The following GCG variants were observed in gnomAD, a reference collection of about 807,000 sequenced individuals.
GCG encodes the protein pro-glucagon.
In GCG, 11 loss-of-function variants were observed where a neutral mutation model predicts 22.8. The ratio of observed to expected loss-of-function variants is 0.48; its 90% CI spans 0.30 to 0.80. The LOEUF (loss-of-function observed/expected upper bound fraction) is 0.80, where lower values mean the gene tolerates loss of function less well. GCG is among the 30% of genes least tolerant of loss of function. GCG has a pLI of 0.06. For synonymous variants in GCG, 89 were observed against 72.4 expected, an observed-to-expected ratio of 1.23 and a Z score of -1.16; for missense variants, 222 against 222.0, an observed-to-expected ratio of 1.00 and a Z score of 0.00.
chr2:162,143,394 A>G, intron 5 of GCG, 24 bp from the exon 6 acceptor site: 1 of 859,618 alleles, frequency 1.2e-6, no homozygotes, highest in Non-Finnish European at 1.8e-6. Flanking sequence ...AAAGAAAATG[A>G]TTTAACATAA....
intron 1 of GCG, 147 bp downstream of exon 1, chr2:162,152,011 T>G (rs1274094902): frequency 6.6e-6 from 1 of 152,238 alleles, no homozygotes; most frequent in African/African-American, 2.4e-5. Context: ...GCATTTGATA[T>G]AACCTTTTCC....
chr2:162,150,774 A>G (rs1686814235), intron 1 of GCG, among the ~76,000 whole-genome samples: 2 of 152,134 alleles, frequency 1.3e-5, no homozygotes, highest in South Asian at 2.1e-4. Context: ...AAAAAAATTC[A>G]TTCCACCCAA....
chr2:162,144,718 G>C (rs1686638331), intron 4 of GCG: 1 of 152,036 alleles, frequency 6.6e-6, no homozygotes, highest in Non-Finnish European at 1.5e-5. Flanking sequence ...CATTATTCTA[G>C]TTCTCTTTCA....
chr2:162,143,501 C>T (rs1686603795), intron 5 of GCG, 131 bp from the exon 6 acceptor site: 1 of 474,812 alleles, frequency 2.1e-6, no homozygotes, highest in Non-Finnish European at 3.8e-6. Flanking sequence ...TAAATCCCTC[C>T]ATCCTTTGGA....
At chr2:162,150,503 A>G (rs544053712) in intron 1 of GCG, among the ~76,000 whole-genome samples, 2 of 152,146 alleles carry the variant, frequency 1.3e-5, no homozygotes, top group Non-Finnish European at 2.9e-5. Context: ...ACAAAGGAAC[A>G]TAATAGGAAT....
chr2:162,145,426 T>C (rs1341195173), intron 4 of GCG, 114 bp downstream of exon 4: 4 of 881,236 alleles, frequency 4.5e-6, no homozygotes, highest in Non-Finnish European at 6.8e-6. Context: ...AATTATTTCC[T>C]TACTTTGCAA....
intron 3 of GCG, among the ~76,000 whole-genome samples, chr2:162,146,324 C>A (rs11897425): frequency 0.14 from 21,370 of 152,070 alleles, 3,221 homozygotes; most frequent in African/African-American, 0.33. Context: ...GCTTTACATC[C>A]ATTTACCAAG....
In GCG at chr2:162,150,248, G is replaced by A. The variant is rs1428961040; in HGVS notation, c.-9-1061C>T. Among the ~76,000 whole-genome samples the A allele has an allele frequency of 4.6e-5, 7 of 152,026 alleles. No homozygotes were observed. In the South Asian group the frequency reaches 8.3e-4, roughly 18 times the overall value. On this transcript the variant is annotated intron_variant, in intron 1 of 5. Transcript: ENST00000418842. The stretch of plus-strand genomic sequence containing the variant: ...CCCAATGGTGTTTCCTTTGAGAAGC[G>A]GGCATTTCAATCCAAGTTTGACTAT...
Position 162,143,246 on chromosome 2 carries a change from G to A in GCG, c.*118C>T. On this transcript the variant is annotated 3_prime_UTR_variant, in exon 6 of 6. Coordinates refer to ENST00000418842, the MANE Select transcript of GCG (RefSeq NM_002054.5). ...AACACTAAAAGAAAATTTATTTATT[G>A]GCATGCAAAGCAATGTGGCCTCAGA... The A allele has an allele frequency of 2.2e-6, 1 of 446,590 alleles. No homozygotes were observed. Among genetic ancestry groups the A allele is most frequent in the Non-Finnish European group, 4.0e-6 (1 of 247,156 alleles). The allele number at this position is 446,590 out of a possible 1,614,324, so 27.7% of individuals were successfully genotyped here. A position where few individuals can be genotyped will look rare whatever the true frequency, so the allele number is the denominator to read the frequency against.
Position 162,150,179 on chromosome 2 carries a change from G to A in GCG, c.-9-992C>T, listed in dbSNP as rs10490424. 1.3e-3 allele frequency among the ~76,000 whole-genome samples: 197 copies of A among 152,250 alleles called. 2 individuals are homozygous for A. The East Asian group carries it at 0.025, about 19-fold the overall frequency. ...GCAAGCGCTTCTATTTTCTGAATGG[G>A]AACGTCAAGTCCGTCTTTGTCATGG... On this transcript the variant is annotated intron_variant, in intron 1 of 5. Transcript: ENST00000418842.
At chr2:162,146,554 CT>C (rs1686689847) in intron 3 of GCG, among the ~76,000 whole-genome samples, 3 of 149,270 alleles carry the variant, frequency 2.0e-5, no homozygotes, top group Non-Finnish European at 2.9e-5. Flanking sequence ...CTCTCTCTCT[CT>C]CTCTCTCTCT....
chr2:162,151,946 A>G (rs1026355970), intron 1 of GCG, among the ~76,000 whole-genome samples: 2 of 152,134 alleles, frequency 1.3e-5, no homozygotes, highest in South Asian at 2.1e-4. Flanking sequence ...ATTTTTGCAT[A>G]TAATTATTTT....
chr2:162,144,241 C>A, intron 4 of GCG, 71 bp from the exon 5 acceptor site: 1 of 1,170,868 alleles, frequency 8.5e-7, no homozygotes. Context: ...TTGTCTACCA[C>A]TGGTAACATG....
intron 4 of GCG, 184 bp downstream of exon 4, chr2:162,145,356 A>T (rs1040812614): frequency 2.6e-5 from 13 of 504,230 alleles, no homozygotes; most frequent in African/African-American, 2.6e-4. Flanking sequence ...CTCTATTATT[A>T]ATACTTAGTA....
intron 4 of GCG, chr2:162,144,811 A>G (rs1450567149): frequency 6.6e-6 from 1 of 152,114 alleles, no homozygotes; most frequent in African/African-American, 2.4e-5. Context: ...TCCGTCTCTC[A>G]TATTTCATCT....
intron 3 of GCG, 86 bp downstream of exon 3, chr2:162,147,267 G>A (rs1559749779): frequency 3.1e-6 from 3 of 970,398 alleles, no homozygotes; most frequent in South Asian, 1.5e-5. Flanking sequence ...TATTTGACGA[G>A]CATAAGAACT....
chr2:162,148,751 GA>G (rs1218725228), intron 2 of GCG, among the ~76,000 whole-genome samples: 2 of 151,880 alleles, frequency 1.3e-5, no homozygotes, highest in Non-Finnish European at 2.9e-5. Context: ...TTTAAAGGAG[GA>G]AAAAAGAGAA....
In GCG at chr2:162,144,126, T is replaced by C; in HGVS notation, c.437A>G (p.His146Arg). The change falls in exon 5 of 6, where the codon CAT (histidine) becomes CGT (arginine). Residue 146 changes from histidine to arginine, a missense_variant. Physicochemically the swap from His to Arg is conservative, Grantham distance 29. Coordinates refer to ENST00000418842, the MANE Select transcript of GCG (RefSeq NM_002054.5). ...VAIVEELGRR[H>R]ADGSFSDEMN... ...CTCATCAGAGAAAGAACCATCAGCA[T>C]GTCTGCGGCCAAGTTCTTCAACAAT... 1 of 1,612,096 alleles carries C rather than the reference T, an allele frequency of 6.2e-7. No homozygotes were observed.
rs1303328174 is a variant in GCG at position 162,144,042 on chromosome 2, G to T, written c.521C>A (p.Thr174Asn). ...AAGCAGTCACCTGTCAGTGATTTTG[G>T]TCTGAATCAACCAGTTTATAAAGTC... Reference protein sequence around the residue: ...ARDFINWLIQTKITDRK With the variant: ...ARDFINWLIQNKITDRK The change falls in exon 5 of 6, where the codon ACC becomes AAC. Residue 174 changes from threonine (T) to asparagine (N), a missense_variant. Thr to Asn is a moderately conservative substitution (Grantham distance 65). Coordinates refer to ENST00000418842, the MANE Select transcript of GCG (RefSeq NM_002054.5). 1 of 1,612,960 alleles carries T rather than the reference G, an allele frequency of 6.2e-7. No individual in the cohort carries two copies. The highest frequency in any genetic ancestry group is 8.5e-7 in the Non-Finnish European group (1 of 1,179,238).
Sources: allele counts gnomAD v4.1 joint callset (sites outside exome capture counted in the v4.1 genomes callset), GRCh38; gene constraint gnomAD v4.1.1; transcripts MANE v1.5; gene names NCBI Gene and HGNC (gene_info 2026-07-23, HGNC 2026-07-21).